MARCHF6: variants seen among roughly 807,000 people sequenced by gnomAD.
The protein encoded by MARCHF6 is E3 ubiquitin-protein ligase MARCHF6.
A neutral mutation model predicts 133.7 loss-of-function variants in MARCHF6; 31 were observed. That is an observed-to-expected ratio of 0.23 (90% confidence interval 0.17 to 0.31). MARCHF6 has a LOEUF of 0.31. MARCHF6 is among the 10% of genes least tolerant of loss of function. The pLI is 1.00. For missense variants in MARCHF6, 723 were observed against 1,121.6 expected, an observed-to-expected ratio of 0.64 and a Z score of 5.08; for synonymous variants, 395 against 402.5, an observed-to-expected ratio of 0.98 and a Z score of 0.22.
intron 1 of MARCHF6, among the ~76,000 whole-genome samples, chr5:10,376,260 C>A (rs923885090): frequency 6.6e-6 from 1 of 152,120 alleles, no homozygotes; most frequent in East Asian, 1.9e-4. Flanking sequence ...CTGAAGCCAG[C>A]GAGACCACGA....
Position 10,422,880 on chromosome 5 carries a change from T to TA in MARCHF6, c.2284-853dup, listed in dbSNP as rs1050492046. ...AACATGGATGGTATGTACCAAAAGC[T>TA]AATAGTGGTTATTGCTGGGGAGGGA... On this transcript the variant is annotated intron_variant, in intron 22 of 25. Coordinates refer to ENST00000274140, the MANE Select transcript of MARCHF6 (RefSeq NM_005885.4). Among the ~76,000 whole-genome samples, 10 of 152,240 alleles carry TA rather than the reference T, an allele frequency of 6.6e-5. 1 individual carries two copies. The highest frequency in any genetic ancestry group is 5.2e-4 in the Admixed American group (8 of 15,296).
chr5:10,369,823 T>A (rs1344503177), intron 1 of MARCHF6, among the ~76,000 whole-genome samples: 1 of 152,082 alleles, frequency 6.6e-6, no homozygotes, highest in Non-Finnish European at 1.5e-5. Context: ...GTATCACTAG[T>A]TCATTTCTTT....
intron 24 of MARCHF6, among the ~76,000 whole-genome samples, chr5:10,426,856 G>A (rs1668883181): frequency 6.6e-6 from 1 of 152,140 alleles, no homozygotes; most frequent in African/African-American, 2.4e-5. Flanking sequence ...TAACAGTGTT[G>A]TTGTATTTAA....
At chr5:10,421,602 G>A in intron 22 of MARCHF6, among the ~76,000 whole-genome samples, 1 of 152,196 alleles carries the variant, frequency 6.6e-6, no homozygotes, top group South Asian at 2.1e-4. Flanking sequence ...GTCCTGTCTG[G>A]CAGGAGAGGA....
chr5:10,428,752 T>A (rs1740222251), intron 24 of MARCHF6, among the ~76,000 whole-genome samples: 1 of 152,234 alleles, frequency 6.6e-6, no homozygotes, highest in South Asian at 2.1e-4. Context: ...TTTTTTATTC[T>A]AATTAGCATA....
intron 1 of MARCHF6, among the ~76,000 whole-genome samples, chr5:10,363,195 G>A (rs75436937): frequency 0.053 from 8,055 of 152,154 alleles, 719 homozygotes; most frequent in African/African-American, 0.18. Flanking sequence ...AAATCAGATG[G>A]CATCAAAATT....
At position 10,375,407 on chromosome 5, in the gene MARCHF6, G is replaced by A. The variant is rs1051653051; in HGVS notation, c.20-2391G>A. On this transcript the variant is annotated intron_variant, in intron 1 of 25. Transcript: ENST00000274140. ...GCTGCCTTCCCGCTGGGCAGGGCTCGGGACCTGCAGCCCGCCATGCCTGAG... is the reference window on the plus strand; with the variant it reads ...GCTGCCTTCCCGCTGGGCAGGGCTCAGGACCTGCAGCCCGCCATGCCTGAG... Among the ~76,000 whole-genome samples, 9 of 152,236 alleles carry A rather than the reference G, an allele frequency of 5.9e-5. 1 individual carries two copies. Among genetic ancestry groups the A allele is most frequent in the South Asian group, 4.1e-4 (2 of 4,834 alleles).
At chr5:10,372,891 A>G (rs148514041) in intron 1 of MARCHF6, among the ~76,000 whole-genome samples, 182 of 152,176 alleles carry the variant, frequency 1.2e-3, no homozygotes, top group African/African-American at 4.1e-3. Flanking sequence ...TGGCAAGACA[A>G]TAAGTGAAAA....
intron 4 of MARCHF6, 27 bp downstream of exon 4, chr5:10,381,970 T>C: frequency 6.2e-7 from 1 of 1,601,700 alleles, no homozygotes. Context: ...CTGATTGGAG[T>C]TATTTAAACA....
chr5:10,383,515 A>G (rs191558617), intron 4 of MARCHF6, among the ~76,000 whole-genome samples: 5 of 152,326 alleles, frequency 3.3e-5, no homozygotes, highest in Admixed American at 2.6e-4. Context: ...GAGTGGCATC[A>G]GACTTAAAAT....
chr5:10,416,323 C>T (rs984005725), intron 21 of MARCHF6, among the ~76,000 whole-genome samples: 1 of 152,064 alleles, frequency 6.6e-6, no homozygotes, highest in African/African-American at 2.4e-5. Flanking sequence ...AATTTTTTAT[C>T]GATTTATATT....
At chr5:10,429,508 C>T (rs1389875588) in intron 24 of MARCHF6, among the ~76,000 whole-genome samples, 1 of 151,716 alleles carries the variant, frequency 6.6e-6, no homozygotes, top group East Asian at 1.9e-4. Context: ...AAGCGATTCT[C>T]CCACCCCAGC....
At chr5:10,425,332 A>G (rs1046065433) in intron 23 of MARCHF6, among the ~76,000 whole-genome samples, 1 of 152,142 alleles carries the variant, frequency 6.6e-6, no homozygotes, top group African/African-American at 2.4e-5. Context: ...AGGCCAGTAC[A>G]CTCTAGAATG....
intron 1 of MARCHF6, among the ~76,000 whole-genome samples, chr5:10,369,059 T>A (rs1029002766): frequency 3.9e-5 from 6 of 152,222 alleles, no homozygotes; most frequent in African/African-American, 1.4e-4. Context: ...CATCCCTTAC[T>A]GCATGCTTCC....
intron 3 of MARCHF6, among the ~76,000 whole-genome samples, chr5:10,379,816 G>T (rs1737019917): frequency 6.6e-6 from 1 of 152,068 alleles, no homozygotes; most frequent in Non-Finnish European, 1.5e-5. Flanking sequence ...ATATTGCCCA[G>T]GTTGTTCTTG....
At chr5:10,410,111 T>C in intron 17 of MARCHF6, 28 bp from the exon 18 acceptor site, 2 of 1,611,100 alleles carry the variant, frequency 1.2e-6, no homozygotes, top group Non-Finnish European at 1.7e-6. Flanking sequence ...CAAAATACAA[T>C]TCACATTATA....
At chr5:10,361,527 C>T (rs1735820928) in intron 1 of MARCHF6, among the ~76,000 whole-genome samples, 1 of 152,010 alleles carries the variant, frequency 6.6e-6, no homozygotes, top group Non-Finnish European at 1.5e-5. Context: ...TTTTTAAAGA[C>T]GCTAGTCATA....
Position 10,437,517 on chromosome 5 carries a change from T to G in MARCHF6, c.*3833T>G, listed in dbSNP as rs1740699115. 1 of 152,232 alleles carries G rather than the reference T, an allele frequency of 6.6e-6. No homozygotes were observed. The highest frequency in any genetic ancestry group is 2.4e-5 in the African/African-American group (1 of 41,460). The allele number at this position is 152,232 out of a possible 1,614,324, so 9.4% of individuals were successfully genotyped here. The stretch of plus-strand genomic sequence containing the variant: ...GTAAGGGCTTCTTTAAAATAATCCC[T>G]GACAATATCTTTGGCATTAATACGA... On this transcript the variant is annotated 3_prime_UTR_variant, in exon 26 of 26. Coordinates refer to ENST00000274140, the MANE Select transcript of MARCHF6 (RefSeq NM_005885.4).
At chr5:10,401,775 T>A in intron 11 of MARCHF6, 1 of 478,052 alleles carries the variant, frequency 2.1e-6, no homozygotes, top group Admixed American at 3.8e-5. Context: ...CAGGCTGTTG[T>A]ATTACAGTGC....
Sources: allele counts gnomAD v4.1 joint callset (sites outside exome capture counted in the v4.1 genomes callset), GRCh38; gene constraint gnomAD v4.1.1; transcripts MANE v1.5; gene names NCBI Gene and HGNC (gene_info 2026-07-23, HGNC 2026-07-21).